Variants in TAFA2 observed in about 807,000 individuals in gnomAD.
The protein encoded by TAFA2 is TAFA chemokine like family member 2.
TAFA2 carries 7 observed loss-of-function variants against 18.8 expected under a neutral mutation model. The observed-to-expected ratio is 0.37, with a 90% CI of 0.21 to 0.70. The LOEUF (loss-of-function observed/expected upper bound fraction) is 0.70, where lower values mean the gene tolerates loss of function less well. Among genes scored for constraint, TAFA2 ranks in the 30% least tolerant of loss-of-function variants. The pLI is 0.53. For synonymous variants in TAFA2, 60 were observed against 54.2 expected (o/e 1.11, Z -0.47); for missense variants, 122 against 158.1 (o/e 0.77, Z 1.23).
intron 1 of TAFA2, among the ~76,000 whole-genome samples, chr12:62,221,719 T>A (rs1592407597): frequency 6.6e-6 from 1 of 152,104 alleles, no homozygotes; most frequent in Admixed American, 6.6e-5. Flanking sequence ...ACAAAAATGA[T>A]AAAGATTTTA....
At chr12:61,959,046 T>G (rs1219232405) in intron 1 of TAFA2, among the ~76,000 whole-genome samples, 1 of 152,040 alleles carries the variant, frequency 6.6e-6, no homozygotes, top group Non-Finnish European at 1.5e-5. Flanking sequence ...CATATTCTCT[T>G]CTACTAATCG....
At position 61,805,615 on chromosome 12, in the gene TAFA2, T is replaced by C. The variant is rs77985092; in HGVS notation, c.107-50591A>G. On this transcript the variant is annotated intron_variant, in intron 2 of 4. Coordinates refer to ENST00000416284, the MANE Select transcript of TAFA2 (RefSeq NM_178539.5). Reference sequence around the variant, plus strand: ...ATGGCTGTGTTAAGTAATTCCTTTGTGCAGGGTATGTTCCTCAAGATGCCC... The same window carrying C: ...ATGGCTGTGTTAAGTAATTCCTTTGCGCAGGGTATGTTCCTCAAGATGCCC... Among the ~76,000 whole-genome samples, 843 of 152,232 alleles carry C rather than the reference T, an allele frequency of 5.5e-3. 26 individuals are homozygous for C. The highest frequency in any genetic ancestry group is 0.039 in the Admixed American group (603 of 15,272).
At chr12:61,887,973 G>C (rs2121289665) in intron 1 of TAFA2, among the ~76,000 whole-genome samples, 2 of 152,072 alleles carry the variant, frequency 1.3e-5, no homozygotes, top group South Asian at 4.2e-4. Flanking sequence ...AAAAACACAT[G>C]AAAAAATGCT....
chr12:61,722,723 T>C (rs1869963121), intron 4 of TAFA2, among the ~76,000 whole-genome samples: 1 of 152,066 alleles, frequency 6.6e-6, no homozygotes, highest in Admixed American at 6.6e-5. Flanking sequence ...TAGAATAACT[T>C]TTTCCTATAT....
intron 1 of TAFA2, among the ~76,000 whole-genome samples, chr12:62,060,761 T>A (rs1882326288): frequency 6.6e-6 from 1 of 152,224 alleles, no homozygotes; most frequent in South Asian, 2.1e-4. Flanking sequence ...TGACCCCGTC[T>A]AGGCCTAGGC....
chr12:61,899,091 A>G (rs538885460), intron 1 of TAFA2, among the ~76,000 whole-genome samples: 1 of 152,256 alleles, frequency 6.6e-6, no homozygotes, highest in South Asian at 2.1e-4. Flanking sequence ...TCCATCTGAG[A>G]CCACCTTAGC....
chr12:61,757,092 A>G (rs1476899490), intron 2 of TAFA2, among the ~76,000 whole-genome samples: 1 of 152,092 alleles, frequency 6.6e-6, no homozygotes, highest in African/African-American at 2.4e-5. Context: ...TACATCATCT[A>G]TCTATTAGAA....
intron 1 of TAFA2, among the ~76,000 whole-genome samples, chr12:62,211,362 G>C (rs1371872331): frequency 2.6e-5 from 4 of 152,196 alleles, no homozygotes; most frequent in South Asian, 2.1e-4. Flanking sequence ...GGTGGATCAA[G>C]GAGGTCAGGA....
chr12:62,234,478 TG>T, intron 1 of TAFA2: 1 of 1,072,114 alleles, frequency 9.3e-7, no homozygotes, highest in East Asian at 2.7e-5. Context: ...TTGCTTGAGA[TG>T]GTCAGACCTC....
intron 1 of TAFA2, among the ~76,000 whole-genome samples, chr12:61,989,791 T>A (rs1289735486): frequency 1.3e-5 from 2 of 152,138 alleles, no homozygotes; most frequent in East Asian, 3.9e-4. Flanking sequence ...GAGAGAGGGA[T>A]ATGTGGAGGA....
At chr12:61,821,682 A>T (rs1370263321) in intron 2 of TAFA2, among the ~76,000 whole-genome samples, 2 of 152,124 alleles carry the variant, frequency 1.3e-5, no homozygotes. Flanking sequence ...TATCCAGCAC[A>T]TCTTCAAGAG....
rs180784765 is a variant in TAFA2 at position 62,255,888 on chromosome 12, T to A, written c.-130+2875A>T. On this transcript the variant is annotated intron_variant, in intron 1 of 5. Transcript: ENST00000551619. ...ATAAAAACAAATCAATTTAGTTCTA[T>A]TAGCATGTAGTGAGAGTCCACTATA... Among the ~76,000 whole-genome samples the A allele has an allele frequency of 2.0e-3, 301 of 152,078 alleles. 1 individual carries two copies. Among genetic ancestry groups the A allele is most frequent in the Non-Finnish European group, 3.3e-3 (223 of 67,970 alleles).
intron 2 of TAFA2, among the ~76,000 whole-genome samples, chr12:61,810,105 T>G (rs989560090): frequency 1.3e-5 from 2 of 151,354 alleles, no homozygotes; most frequent in Non-Finnish European, 2.9e-5. Context: ...AAATACAAGT[T>G]TCCTGTTACT....
intron 1 of TAFA2, among the ~76,000 whole-genome samples, chr12:61,948,477 T>C (rs1878356387): frequency 6.6e-6 from 1 of 152,112 alleles, no homozygotes; most frequent in African/African-American, 2.4e-5. Context: ...CCAAGAGATG[T>C]TGGAAATAAG....
intron 1 of TAFA2, among the ~76,000 whole-genome samples, chr12:62,014,379 G>A (rs556573140): frequency 9.9e-5 from 15 of 152,180 alleles, no homozygotes; most frequent in Admixed American, 6.5e-4. Flanking sequence ...CTGTAATCCC[G>A]GTACTTTGGG....
At chr12:61,922,026 A>C (rs1877074615) in intron 1 of TAFA2, among the ~76,000 whole-genome samples, 1 of 152,240 alleles carries the variant, frequency 6.6e-6, no homozygotes, top group African/African-American at 2.4e-5. Context: ...TGTTCGATTT[A>C]GCAATGCAGA....
At chr12:61,920,926 A>C (rs1452955604) in intron 1 of TAFA2, among the ~76,000 whole-genome samples, 2 of 152,088 alleles carry the variant, frequency 1.3e-5, no homozygotes, top group Non-Finnish European at 2.9e-5. Flanking sequence ...AAAGAAGATG[A>C]GTGAGTACCC....
chr12:61,994,985 C>T (rs1880135733), intron 1 of TAFA2, among the ~76,000 whole-genome samples: 1 of 152,096 alleles, frequency 6.6e-6, no homozygotes, highest in South Asian at 2.1e-4. Context: ...CTGCAACTGC[C>T]CCCTAACTGT....
chr12:61,881,320 C>G (rs181310045), intron 1 of TAFA2, among the ~76,000 whole-genome samples: 2 of 152,250 alleles, frequency 1.3e-5, no homozygotes, highest in East Asian at 3.9e-4. Context: ...TGTACTGACA[C>G]AAACCCATAT....
Sources: allele counts gnomAD v4.1 joint callset (sites outside exome capture counted in the v4.1 genomes callset), GRCh38; gene constraint gnomAD v4.1.1; transcripts MANE v1.5; gene names NCBI Gene and HGNC (gene_info 2026-07-23, HGNC 2026-07-21).